The following RYR3 variants were observed in gnomAD, a reference collection of about 807,000 sequenced individuals.
RYR3 encodes the protein brain ryanodine receptor-calcium release channel.
Under a neutral mutation model 584.3 loss-of-function variants are expected in RYR3, and 207 were observed. The observed-to-expected ratio is 0.35, with a 90% confidence interval of 0.32 to 0.40. The LOEUF is 0.40. Ranked by LOEUF, RYR3 falls within the 10% of genes least tolerant of loss-of-function variation. RYR3 has a pLI of 1.00. For synonymous variants in RYR3, 2,416 were observed against 2,248.5 expected, an observed-to-expected ratio of 1.07 and a Z score of -2.11; for missense variants, 5,616 against 6,089.2, an observed-to-expected ratio of 0.92 and a Z score of 2.59.
intron 1 of RYR3, among the ~76,000 whole-genome samples, chr15:33,402,798 G>T (rs912016081): frequency 2.0e-5 from 3 of 152,206 alleles, no homozygotes; most frequent in Non-Finnish European, 4.4e-5. Flanking sequence ...GTTTTGTCAA[G>T]TCTTAGCAGG....
Position 33,859,499 on chromosome 15 carries a change from A to C in RYR3, c.14143-76A>C, listed in dbSNP as rs183900449. The C allele has an allele frequency of 3.6e-5, 56 of 1,540,226 alleles. No homozygotes were observed. The East Asian group carries it at 1.1e-3, about 31-fold the overall frequency. ...AGGGCTGCCACAATCTGACCGAATC[A>C]TATGAATGATCTGAGCATCTTGCTA... On this transcript the variant is annotated intron_variant, in intron 99 of 103. Coordinates refer to ENST00000634891, the MANE Select transcript of RYR3 (RefSeq NM_001036.6).
chr15:33,342,295 T>C (rs1971916390), intron 1 of RYR3, among the ~76,000 whole-genome samples: 1 of 152,192 alleles, frequency 6.6e-6, no homozygotes, highest in African/African-American at 2.4e-5. Flanking sequence ...GCCTTAGTGC[T>C]CAATTTTTAC....
At chr15:33,733,606 A>G (rs992898710) in intron 48 of RYR3, among the ~76,000 whole-genome samples, 1 of 152,246 alleles carries the variant, frequency 6.6e-6, no homozygotes, top group Non-Finnish European at 1.5e-5. Context: ...GGAGAGATGA[A>G]CAGGCTGAGC....
At chr15:33,642,734 G>A (rs541526076) in intron 27 of RYR3, among the ~76,000 whole-genome samples, 81 of 152,188 alleles carry the variant, frequency 5.3e-4, no homozygotes, top group Non-Finnish European at 1.0e-3. Flanking sequence ...CAAAAATACA[G>A]AAGCATAGTA....
intron 36 of RYR3, among the ~76,000 whole-genome samples, chr15:33,668,326 A>C (rs1375815631): frequency 6.6e-6 from 1 of 152,136 alleles, no homozygotes; most frequent in Non-Finnish European, 1.5e-5. Flanking sequence ...CAAAAAAACA[A>C]ACAAACAAAC....
chr15:33,475,805 G>T (rs1435114), intron 2 of RYR3, among the ~76,000 whole-genome samples: 18,713 of 152,154 alleles, frequency 0.12, 2,886 homozygotes, highest in African/African-American at 0.36. Flanking sequence ...GGATCAAATG[G>T]GTTCGTAAAT....
chr15:33,774,683 G>A (rs1020694799), intron 64 of RYR3, among the ~76,000 whole-genome samples: 4 of 152,136 alleles, frequency 2.6e-5, no homozygotes, highest in African/African-American at 7.2e-5. Flanking sequence ...GGAACTAATG[G>A]CTGCGTTTGT....
chr15:33,451,468 GA>G (rs145835897), intron 1 of RYR3, among the ~76,000 whole-genome samples: 23,858 of 148,086 alleles, frequency 0.16, 1,995 homozygotes, highest in East Asian at 0.35. Flanking sequence ...AAATTTTGGG[GA>G]AAAAAAAAAA....
chr15:33,838,286 C>T lies in RYR3; in HGVS notation c.12306C>T (p.Ile4102=). 6.2e-7 allele frequency: 1 copy of T among 1,614,024 alleles called. No homozygotes were observed. ...TTGAAATGCAGTTAGCATCTCAGAT[C>T]TCTGAATCCGATTCAGCTGACAGGC... is the stretch of plus-strand genomic sequence containing the variant. ...TIFEMQLASQ[I]SESDSADRPE... is the part of the protein sequence containing the mutation. Residue 4102 remains isoleucine, a synonymous_variant, in exon 89 of 104, where the codon ATC becomes ATT. Transcript: ENST00000634891.
chr15:33,566,894 A>G, intron 12 of RYR3, 95 bp downstream of exon 12: 1 of 1,361,078 alleles, frequency 7.3e-7, no homozygotes. Context: ...GAATGTTTTC[A>G]GGAAATAATG....
At chr15:33,503,909 A>G (rs1332825591) in intron 3 of RYR3, among the ~76,000 whole-genome samples, 171 bp downstream of exon 3, 1 of 152,208 alleles carries the variant, frequency 6.6e-6, no homozygotes, top group Non-Finnish European at 1.5e-5. Flanking sequence ...CAGCAACCCT[A>G]CTTCTGCTTC....
rs564715934 is a variant in RYR3, at chr15:33,597,037, G to A, written c.1789-4382G>A. 8.5e-5 allele frequency among the ~76,000 whole-genome samples: 13 copies of A among 152,228 alleles called. No homozygotes were observed. The East Asian group carries it at 2.1e-3, about 25-fold the overall frequency. Reference sequence around the variant, plus strand: ...GTGGACTAGACTGCCTAAAGCCACCGGATTAGAAGTTACGGTAATCTTACT... The same window carrying A: ...GTGGACTAGACTGCCTAAAGCCACCAGATTAGAAGTTACGGTAATCTTACT... On this transcript the variant is annotated intron_variant, in intron 16 of 103. Coordinates refer to ENST00000634891, the MANE Select transcript of RYR3 (RefSeq NM_001036.6).
At chr15:33,541,122 A>G (rs894348414) in intron 7 of RYR3, among the ~76,000 whole-genome samples, 1 of 151,774 alleles carries the variant, frequency 6.6e-6, no homozygotes. Context: ...GGAGCCCACT[A>G]TTGTTTTAGC....
intron 3 of RYR3, among the ~76,000 whole-genome samples, chr15:33,518,243 T>A (rs549103339): frequency 9.1e-4 from 139 of 152,304 alleles, no homozygotes; most frequent in Non-Finnish European, 1.6e-3. Flanking sequence ...TCTGTCTCAG[T>A]GGAAAGAGCA....
intron 97 of RYR3, 88 bp from the exon 98 acceptor site, chr15:33,854,678 G>A: frequency 6.7e-7 from 1 of 1,500,152 alleles, no homozygotes. Context: ...TCTATCCTCA[G>A]TGTGTCTCCC....
chr15:33,755,283 TTAGGGGGAAAAC>T lies in RYR3; in HGVS notation c.8515+104_8515+115del. On this transcript the variant is annotated intron_variant, in intron 58 of 103. Transcript: ENST00000634891. ...TTATGATTCATTTAGGTGCATGATT[TTAGGGGGAAAAC>T]AGTGGCTGAAATTTTTTTCCCCCAA... is the stretch of plus-strand genomic sequence containing the variant. 3.9e-6 allele frequency: 3 copies of T among 761,882 alleles called. No homozygotes were observed. The South Asian group carries it at 5.2e-5, about 13-fold the overall frequency. The allele number at this position is 761,882 out of a possible 1,614,324, so 47.2% of individuals were successfully genotyped here. A position where few individuals can be genotyped will look rare whatever the true frequency, so the allele number is the denominator to read the frequency against.
chr15:33,579,534 A>T (rs1373198855), intron 12 of RYR3, among the ~76,000 whole-genome samples: 3 of 152,166 alleles, frequency 2.0e-5, no homozygotes, highest in Non-Finnish European at 4.4e-5. Flanking sequence ...TTAAAAAAAA[A>T]TGTGTGACAG....
chr15:33,521,082 C>T (rs1028338336), intron 3 of RYR3, among the ~76,000 whole-genome samples: 5 of 151,908 alleles, frequency 3.3e-5, no homozygotes, highest in African/African-American at 7.2e-5. Flanking sequence ...TTTAAGTCTG[C>T]ACCATCCAGG....
intron 38 of RYR3, among the ~76,000 whole-genome samples, chr15:33,672,034 G>T (rs535385639): frequency 6.6e-6 from 1 of 151,696 alleles, no homozygotes; most frequent in African/African-American, 2.4e-5. Context: ...GGTTGGTCTC[G>T]AACTTTTGAC....
Sources: allele counts gnomAD v4.1 joint callset (sites outside exome capture counted in the v4.1 genomes callset), GRCh38; gene constraint gnomAD v4.1.1; transcripts MANE v1.5; gene names NCBI Gene and HGNC (gene_info 2026-07-23, HGNC 2026-07-21).